PGAP1: variants seen among roughly 807,000 people sequenced by gnomAD.
PGAP1 encodes GPI inositol-deacylase.
In PGAP1, 76 loss-of-function variants were observed where a neutral mutation model predicts 127.0. The observed-to-expected ratio is 0.60, with a 90% confidence interval of 0.50 to 0.72. The LOEUF is 0.72. PGAP1 is among the 30% of genes least tolerant of loss of function. The pLI is 0.00. For synonymous variants in PGAP1, 362 were observed against 366.5 expected (o/e 0.99, Z 0.14); for missense variants, 982 against 1,071.3 (o/e 0.92, Z 1.16).
At chr2:196,900,700 T>C (rs2125825870) in intron 5 of PGAP1, among the ~76,000 whole-genome samples, 1 of 152,142 alleles carries the variant, frequency 6.6e-6, no homozygotes, top group African/African-American at 2.4e-5. Flanking sequence ...CCAAGGCAGG[T>C]GAACCACGAG....
At chr2:196,851,105 G>T (rs1700704567) in intron 20 of PGAP1, among the ~76,000 whole-genome samples, 1 of 151,842 alleles carries the variant, frequency 6.6e-6, no homozygotes, top group Non-Finnish European at 1.5e-5. Flanking sequence ...AAACAATTCA[G>T]TTCTGACAAT....
chr2:196,849,665 A>G (rs1461233904), intron 20 of PGAP1, among the ~76,000 whole-genome samples: 1 of 152,172 alleles, frequency 6.6e-6, no homozygotes, highest in Non-Finnish European at 1.5e-5. Context: ...TCAGGTTAAA[A>G]TTAACACTAA....
Position 196,902,503 on chromosome 2 carries a change from T to C in PGAP1, c.807+82A>G, listed in dbSNP as rs556519599. On this transcript the variant is annotated intron_variant, in intron 5 of 26. Transcript: ENST00000354764. ...ACCACTAACTCAGCAGTCATTACCATGCAGCTATATATTATTTCTTCTTTC... is the reference window on the plus strand; with the variant it reads ...ACCACTAACTCAGCAGTCATTACCACGCAGCTATATATTATTTCTTCTTTC... 8.2e-6 allele frequency: 10 copies of C among 1,215,866 alleles called. No individual in the cohort carries two copies. The South Asian group carries it at 1.4e-4, about 17-fold the overall frequency. The allele number at this position is 1,215,866 out of a possible 1,614,324, so 75.3% of individuals were successfully genotyped here.
intron 1 of PGAP1, among the ~76,000 whole-genome samples, chr2:196,925,598 A>G (rs372142912): frequency 6.6e-6 from 1 of 152,206 alleles, no homozygotes; most frequent in African/African-American, 2.4e-5. Flanking sequence ...ATGCCGAACT[A>G]ACGAAGCCAT....
intron 1 of PGAP1, chr2:196,922,072 GCAA>G: frequency 9.6e-7 from 1 of 1,043,964 alleles, no homozygotes; most frequent in Non-Finnish European, 1.2e-6. Flanking sequence ...TTTTAAATGA[GCAA>G]CCCCTCTACC....
intron 19 of PGAP1, among the ~76,000 whole-genome samples, chr2:196,869,510 A>C (rs1701345688): frequency 6.6e-6 from 1 of 151,982 alleles, no homozygotes; most frequent in Non-Finnish European, 1.5e-5. Context: ...AATTTTTTGT[A>C]TTTTTAATAG....
chr2:196,833,695 G>A lies in PGAP1; in HGVS notation c.*7539C>T, dbSNP rs1314922239. 6.6e-6 allele frequency: 1 copy of A among 152,026 alleles called. No individual in the cohort carries two copies. Among genetic ancestry groups the A allele is most frequent in the Non-Finnish European group, 1.5e-5 (1 of 67,956 alleles). 9.4% of individuals were successfully genotyped at this position (152,026 alleles called of 1,614,324 possible). On this transcript the variant is annotated 3_prime_UTR_variant, in exon 27 of 27. Transcript: ENST00000354764. Reference sequence around the variant, plus strand: ...CGAGTAGGTAGTGGAGGTAAAATGGGAAAACAATGTGTTGAGTTTACTTTC... The same window carrying A: ...CGAGTAGGTAGTGGAGGTAAAATGGAAAAACAATGTGTTGAGTTTACTTTC...
At position 196,846,001 on chromosome 2, in the gene PGAP1, T is replaced by C. The variant is rs1261594387; in HGVS notation, c.2167A>G (p.Lys723Glu). 1 of 1,592,486 alleles carries C rather than the reference T, an allele frequency of 6.3e-7. No individual in the cohort carries two copies. The highest frequency in any genetic ancestry group is 1.7e-5 in the Admixed American group (1 of 59,668). ...LALKRPSELP[K>E]DIKMISPDLP... is the part of the protein sequence containing the mutation. ...TCTGGTGATATCATCTTGATATCTTTAGGAAGTTCAGAGGGTCTGGAATTA... is the reference window on the plus strand; with the variant it reads ...TCTGGTGATATCATCTTGATATCTTCAGGAAGTTCAGAGGGTCTGGAATTA... The change falls in exon 23 of 27, where the codon AAA becomes GAA. Residue 723 changes from lysine to glutamate, a missense_variant. Transcript: ENST00000354764.
In PGAP1 at chr2:196,919,347, G is replaced by A. The variant is rs561662535; in HGVS notation, c.301+650C>T. On this transcript the variant is annotated intron_variant, in intron 2 of 26. Coordinates refer to ENST00000354764, the MANE Select transcript of PGAP1 (RefSeq NM_024989.4). ...AGACACGTGCTAGATGAATAAACACGTAAATAATTGCACATGTTGAAACAA... is the reference window on the plus strand; with the variant it reads ...AGACACGTGCTAGATGAATAAACACATAAATAATTGCACATGTTGAAACAA... Among the ~76,000 whole-genome samples, 5 of 152,162 alleles carry A rather than the reference G, an allele frequency of 3.3e-5. No individual in the cohort carries two copies. The South Asian group carries it at 6.2e-4, about 19-fold the overall frequency.
At chr2:196,904,979 C>T (rs1702646408) in intron 4 of PGAP1, among the ~76,000 whole-genome samples, 1 of 151,856 alleles carries the variant, frequency 6.6e-6, no homozygotes, top group Non-Finnish European at 1.5e-5. Flanking sequence ...CTCTGTCTCT[C>T]AAAACCTTAA....
intron 4 of PGAP1, among the ~76,000 whole-genome samples, chr2:196,903,345 G>A (rs552558671): frequency 2.0e-5 from 3 of 151,592 alleles, no homozygotes; most frequent in South Asian, 4.2e-4. Context: ...GGCAGATCAC[G>A]AGGTCAGGAG....
chr2:196,893,149 C>A lies in PGAP1; in HGVS notation c.1024G>T (p.Asp342Tyr). The change falls in exon 8 of 27, where the codon GAC becomes TAC. Residue 342 changes from aspartate (D) to tyrosine (Y), a missense_variant. Physicochemically the swap from Asp to Tyr is radical, Grantham distance 160. Transcript: ENST00000354764. ...HFEENPAIIS[D>Y]LTGTSMWVLV... Reference sequence around the variant, plus strand: ...TGTTATTGTCACCAACCTGTTAAGTCAGAAATTATAGCTGGATTTTCCTCA... The same window carrying A: ...TGTTATTGTCACCAACCTGTTAAGTAAGAAATTATAGCTGGATTTTCCTCA... 6.3e-7 allele frequency: 1 copy of A among 1,575,866 alleles called. No homozygotes were observed. The highest frequency in any genetic ancestry group is 1.1e-5 in the South Asian group (1 of 89,076).
intron 20 of PGAP1, among the ~76,000 whole-genome samples, chr2:196,856,699 C>G (rs191577103): frequency 1.3e-5 from 2 of 152,180 alleles, no homozygotes; most frequent in African/African-American, 4.8e-5. Context: ...CACTTCCACT[C>G]TTCAGATAGC....
intron 13 of PGAP1, chr2:196,877,635 A>G (rs1465361071): frequency 2.0e-5 from 3 of 152,166 alleles, no homozygotes; most frequent in Non-Finnish European, 4.4e-5. Flanking sequence ...CTCTTACTTG[A>G]GCTAAGCAAA....
intron 7 of PGAP1, among the ~76,000 whole-genome samples, chr2:196,896,016 G>A (rs1344053385): frequency 6.6e-6 from 1 of 152,078 alleles, no homozygotes; most frequent in African/African-American, 2.4e-5. Context: ...GATGAATAAT[G>A]GCAATCTGTT....
rs369139940 is a variant in PGAP1, at chr2:196,844,080, A to G, written c.2338-5T>C. 1.3e-6 allele frequency: 2 copies of G among 1,508,994 alleles called. No individual in the cohort carries two copies. Among genetic ancestry groups the G allele is most frequent in the Non-Finnish European group, 1.8e-6 (2 of 1,112,420 alleles). The allele number at this position is 1,508,994 out of a possible 1,614,324, so 93.5% of individuals were successfully genotyped here. A position where few individuals can be genotyped will look rare whatever the true frequency, so the allele number is the denominator to read the frequency against. On this transcript the variant is annotated splice_region_variant and splice_polypyrimidine_tract_variant and intron_variant, in intron 24 of 26. Coordinates refer to ENST00000354764, the MANE Select transcript of PGAP1 (RefSeq NM_024989.4). Reference sequence around the variant, plus strand: ...TCTTCTAGAGTGTTTGGGATTCTATAAAACAATAAAGTAGAAATATCAAGA... The same window carrying G: ...TCTTCTAGAGTGTTTGGGATTCTATGAAACAATAAAGTAGAAATATCAAGA...
At chr2:196,900,294 C>T (rs188607924) in intron 5 of PGAP1, among the ~76,000 whole-genome samples, 23 of 152,292 alleles carry the variant, frequency 1.5e-4, no homozygotes, top group Admixed American at 9.8e-4. Context: ...ATGAATAAAA[C>T]GTCAAGTTCT....
At chr2:196,905,618 C>A (rs332302) in intron 4 of PGAP1, among the ~76,000 whole-genome samples, 2 of 152,082 alleles carry the variant, frequency 1.3e-5, no homozygotes, top group African/African-American at 4.8e-5. Context: ...CGAATAGGAA[C>A]AGCTCCGGTC....
At chr2:196,887,579 T>C (rs1012263709) in intron 10 of PGAP1, among the ~76,000 whole-genome samples, 1 of 152,136 alleles carries the variant, frequency 6.6e-6, no homozygotes, top group Non-Finnish European at 1.5e-5. Context: ...GAATCACAGA[T>C]AGGACAACCA....
Sources: allele counts gnomAD v4.1 joint callset (sites outside exome capture counted in the v4.1 genomes callset), GRCh38; gene constraint gnomAD v4.1.1; transcripts MANE v1.5; gene names NCBI Gene and HGNC (gene_info 2026-07-23, HGNC 2026-07-21).